Variants in DGKK observed in about 807,000 individuals in gnomAD.
DGKK encodes the protein 142 kDa diacylglycerol kinase.
Under a neutral mutation model 92.2 loss-of-function variants are expected in DGKK, and 35 were observed. The ratio of observed to expected loss-of-function variants is 0.38; its 90% confidence interval spans 0.29 to 0.50. The LOEUF is 0.50. Among genes scored for constraint, DGKK ranks in the 20% least tolerant of loss-of-function variants. The pLI is 0.92. For synonymous variants in DGKK, 368 were observed against 360.6 expected (o/e 1.02, Z -0.23); for missense variants, 910 against 992.2 (o/e 0.92, Z 1.11).
chrX:50,371,664 G>A (rs1246216317), intron 26 of DGKK, 60 bp downstream of exon 26: 8 of 864,936 alleles, frequency 9.2e-6, no homozygotes, highest in Non-Finnish European at 1.3e-5. Context: ...ACACTGGAAG[G>A]GAAGGCACTA....
intron 5 of DGKK, 88 bp from the exon 6 acceptor site, chrX:50,403,685 AAC>A: frequency 1.3e-6 from 1 of 764,854 alleles, no homozygotes; most frequent in Non-Finnish European, 2.0e-6. Context: ...TGAAAGTTAG[AAC>A]ACAGATGCAT....
intron 11 of DGKK, 59 bp downstream of exon 11, chrX:50,391,378 A>C (rs1924689483): frequency 5.9e-6 from 7 of 1,177,772 alleles, no homozygotes; most frequent in Non-Finnish European, 8.0e-6. Context: ...CCTGATTGAG[A>C]TGATGTGAGT....
In DGKK at chrX:50,396,460, C is replaced by T. The variant is rs192536421; in HGVS notation, c.1412-3125G>A. 4.5e-5 allele frequency among the ~76,000 whole-genome samples: 5 copies of T among 111,677 alleles called. No individual in the cohort carries two copies. The East Asian group carries it at 1.1e-3, about 25-fold the overall frequency. ...GAACCATGTGAATATATTAACTAGA[C>T]AAGAATTGAATTAAGAAATAGGAAA... is the stretch of plus-strand genomic sequence containing the variant. On this transcript the variant is annotated intron_variant, in intron 8 of 27. Transcript: ENST00000611977.
chrX:50,432,873 C>T (rs5961182), intron 1 of DGKK, among the ~76,000 whole-genome samples: 3 of 111,631 alleles, frequency 2.7e-5, no homozygotes, highest in Non-Finnish European at 3.8e-5. Flanking sequence ...GCCCCTCCCC[C>T]CTTCTTCTTT....
chrX:50,459,850 A>G (rs1238153830), intron 1 of DGKK, among the ~76,000 whole-genome samples: 14 of 111,446 alleles, frequency 1.3e-4, no homozygotes, highest in African/African-American at 4.6e-4. Flanking sequence ...TGAGAAGGGT[A>G]CCAACTTGCT....
intron 1 of DGKK, among the ~76,000 whole-genome samples, chrX:50,454,808 A>C (rs1248298811): frequency 1.8e-5 from 2 of 112,010 alleles, no homozygotes; most frequent in Non-Finnish European, 3.8e-5. Flanking sequence ...GAGAAGCAAC[A>C]GCTAAGCTCT....
chrX:50,409,706 G>A (rs2096453991), intron 4 of DGKK, among the ~76,000 whole-genome samples: 1 of 111,541 alleles, frequency 9.0e-6, no homozygotes, highest in Non-Finnish European at 1.9e-5. Context: ...TGCTCCGATC[G>A]GATTCTTCAT....
chrX:50,454,974 T>G (rs1183952132), intron 1 of DGKK, among the ~76,000 whole-genome samples: 4 of 112,424 alleles, frequency 3.6e-5, no homozygotes, highest in Non-Finnish European at 7.5e-5. Context: ...CCTTATATTG[T>G]TATGTACCTG....
chrX:50,391,568 C>T lies in DGKK; in HGVS notation c.1713G>A (p.Leu571=). Residue 571 remains leucine (L), a synonymous_variant, in exon 11 of 28, where the codon TTG becomes TTA. Coordinates refer to ENST00000611977, the MANE Select transcript of DGKK (RefSeq NM_001013742.4). ...TGCCGGTTCCAAGTGGGATGACTGC[C>T]AACTGACACTGCAAGAACAAAAGGA... is the stretch of plus-strand genomic sequence containing the variant. The part of the protein sequence containing the change: ...DAFGLHEKCQ[L]AVIPLGTGND... The T allele has an allele frequency of 1.7e-6, 2 of 1,211,226 alleles. No individual in the cohort carries two copies. The highest frequency in any genetic ancestry group is 2.2e-6 in the Non-Finnish European group (2 of 895,093).
At chrX:50,384,081 A>G in intron 17 of DGKK, 87 bp downstream of exon 17, 1 of 561,882 alleles carries the variant, frequency 1.8e-6, no homozygotes, top group Non-Finnish European at 2.6e-6. Flanking sequence ...AAGTAAGAGA[A>G]AGGATTTGAC....
At chrX:50,452,830 A>G (rs1315542452) in intron 1 of DGKK, among the ~76,000 whole-genome samples, 1 of 111,542 alleles carries the variant, frequency 9.0e-6, no homozygotes, top group Non-Finnish European at 1.9e-5. Flanking sequence ...TGAGAGGTTA[A>G]AAGATTTATC....
chrX:50,436,767 G>T (rs1370691363), intron 1 of DGKK, among the ~76,000 whole-genome samples: 2 of 109,320 alleles, frequency 1.8e-5, no homozygotes, highest in Non-Finnish European at 3.8e-5. Context: ...TCAAAAAAGT[G>T]ACTTGCCCAA....
intron 4 of DGKK, among the ~76,000 whole-genome samples, chrX:50,412,123 C>T (rs782422870): frequency 9.0e-5 from 10 of 111,387 alleles, no homozygotes; most frequent in Middle Eastern, 4.7e-3. Context: ...TGGAGCAATT[C>T]GGGTTTGGGA....
Position 50,384,788 on chromosome X carries a change from T to C in DGKK, c.2384A>G (p.Lys795Arg), listed in dbSNP as rs373503137. The change falls in exon 16 of 28, where the codon AAG (lysine) becomes AGG (arginine). Residue 795 changes from lysine to arginine, a missense_variant. Transcript: ENST00000611977. ...DEESRQTISV[K>R]NFSSTFFLED... ...CAGGAAGAAAGTTGAACTAAAGTTC[T>C]TAACAGATATTGTCTGTCTGCTTTC... is the stretch of plus-strand genomic sequence containing the variant. The C allele has an allele frequency of 3.4e-5, 41 of 1,208,397 alleles. No homozygotes were observed. The highest frequency in any genetic ancestry group is 4.2e-5 in the Non-Finnish European group (38 of 894,273).
Position 50,366,645 on chromosome X carries a change from C to T in DGKK, c.*2295G>A, listed in dbSNP as rs1183989148. ...ACTGCCAAGATAAAGCTATCTTCTC[C>T]CAGGACTTCCTTCTGTAGTCCTAAA... On this transcript the variant is annotated 3_prime_UTR_variant, in exon 28 of 28. Coordinates refer to ENST00000611977, the MANE Select transcript of DGKK (RefSeq NM_001013742.4). 1 of 112,166 alleles carries T rather than the reference C, an allele frequency of 8.9e-6. No homozygotes were observed. Among genetic ancestry groups the T allele is most frequent in the Non-Finnish European group, 1.9e-5 (1 of 53,228 alleles). The allele number at this position is 112,166 out of a possible 1,213,427, so 9.2% of individuals were successfully genotyped here. A position where few individuals can be genotyped will look rare whatever the true frequency, so the allele number is the denominator to read the frequency against.
intron 13 of DGKK, 137 bp downstream of exon 13, chrX:50,388,390 G>A: frequency 2.1e-6 from 1 of 473,631 alleles, no homozygotes; most frequent in South Asian, 3.8e-5. Flanking sequence ...TCCATTCAGG[G>A]GGTTTGAGTT....
intron 1 of DGKK, among the ~76,000 whole-genome samples, chrX:50,468,296 GT>G (rs1926962112): frequency 9.0e-6 from 1 of 111,673 alleles, no homozygotes; most frequent in Non-Finnish European, 1.9e-5. Context: ...CCACGTGTCA[GT>G]TTCACAGCCA....
intron 3 of DGKK, 35 bp from the exon 4 acceptor site, chrX:50,420,542 C>T (rs782357510): frequency 8.6e-7 from 1 of 1,161,411 alleles, no homozygotes; most frequent in East Asian, 3.0e-5. Context: ...CTGGTTCCCA[C>T]TCCATAACTT....
chrX:50,380,516 T>C (rs2147120009), intron 18 of DGKK, among the ~76,000 whole-genome samples: 1 of 111,305 alleles, frequency 9.0e-6, no homozygotes, highest in East Asian at 2.8e-4. Flanking sequence ...AGCAGCAACT[T>C]TTCTGGCAAA....
Sources: gnomAD v4.1 joint callset for allele counts (sites outside exome capture counted in the v4.1 genomes callset) on GRCh38, gnomAD v4.1.1 for gene constraint, MANE v1.5 for transcripts, NCBI Gene and HGNC (gene_info 2026-07-23, HGNC 2026-07-21) for gene names.